Variants in ZNF883 observed in about 807,000 individuals in gnomAD.
ZNF883 encodes zinc finger protein 883.
intron 2 of ZNF883, among the ~76,000 whole-genome samples, chr9:113,009,368 C>G (rs1339302757): frequency 6.6e-6 from 1 of 152,164 alleles, no homozygotes; most frequent in Non-Finnish European, 1.5e-5. Flanking sequence ...TCACTCACCC[C>G]TCTCTGGCCA....
downstream of ZNF883, among the ~76,000 whole-genome samples, chr9:112,995,456 C>T (rs1828341695): frequency 6.6e-6 from 1 of 151,646 alleles, no homozygotes; most frequent in African/African-American, 2.4e-5. Context: ...CTCTTCCTTC[C>T]TTCTTTCCCT....
intron 2 of ZNF883, among the ~76,000 whole-genome samples, chr9:113,007,520 C>G (rs1298009067): frequency 6.6e-6 from 1 of 152,198 alleles, no homozygotes. Context: ...ATAATGATCC[C>G]TGTAATCAGC....
At chr9:112,989,175 T>C (rs1020970127) in intron 1 of ZNF883, among the ~76,000 whole-genome samples, 5 of 152,246 alleles carry the variant, frequency 3.3e-5, no homozygotes, top group Non-Finnish European at 2.9e-5. Context: ...GCAATAGCTT[T>C]TGGCATTTTC....
chr9:112,989,928 G>A (rs1564330316), intron 1 of ZNF883, among the ~76,000 whole-genome samples: 1 of 152,066 alleles, frequency 6.6e-6, no homozygotes, highest in Non-Finnish European at 1.5e-5. Flanking sequence ...CCTATTGTTG[G>A]CATATAGGAA....
At chr9:112,993,219 C>T (rs1406714699), downstream of ZNF883, among the ~76,000 whole-genome samples, 2 of 152,308 alleles carry the variant, frequency 1.3e-5, no homozygotes, top group East Asian at 3.9e-4. Flanking sequence ...GTTTATCTAG[C>T]TTTGATCTTT....
chr9:113,005,601 TA>T (rs1299462987), intron 2 of ZNF883, among the ~76,000 whole-genome samples: 2 of 152,198 alleles, frequency 1.3e-5, no homozygotes, highest in Non-Finnish European at 2.9e-5. Flanking sequence ...AAAGTCACAT[TA>T]CAACCAGACC....
chr9:113,005,615 G>A (rs1026823632), intron 2 of ZNF883, among the ~76,000 whole-genome samples: 3 of 152,054 alleles, frequency 2.0e-5, no homozygotes, highest in Non-Finnish European at 4.4e-5. Context: ...ACCAGACCAG[G>A]TTCATGACAA....
chr9:113,004,140 G>A (rs769704963), intron 2 of ZNF883, among the ~76,000 whole-genome samples: 2 of 152,220 alleles, frequency 1.3e-5, no homozygotes, highest in African/African-American at 2.4e-5. Context: ...AGAGAACAGA[G>A]TTACGCAGCT....
At chr9:113,003,022 C>A (rs995325185), upstream of ZNF883, among the ~76,000 whole-genome samples, 4 of 152,154 alleles carry the variant, frequency 2.6e-5, no homozygotes, top group Non-Finnish European at 4.4e-5. Flanking sequence ...AAATAAATTT[C>A]TGTTCTTTAT....
chr9:113,009,055 C>T (rs932821297), intron 2 of ZNF883, among the ~76,000 whole-genome samples: 3 of 152,132 alleles, frequency 2.0e-5, no homozygotes, highest in Admixed American at 2.0e-4. Context: ...ATTGCTTTAG[C>T]TTCCTAGCCA....
intron 1 of ZNF883, 23 bp downstream of exon 1, chr9:113,012,127 G>A (rs946673182): frequency 6.6e-6 from 1 of 152,266 alleles, no homozygotes; most frequent in African/African-American, 2.4e-5. Flanking sequence ...ACGAGTGCAA[G>A]GGTCGGGAAA....
intron 1 of ZNF883, among the ~76,000 whole-genome samples, chr9:112,989,530 A>G (rs1183989490): frequency 6.6e-6 from 1 of 152,164 alleles, no homozygotes; most frequent in South Asian, 2.1e-4. Flanking sequence ...GTAGCCTCAT[A>G]GTATAGTTTG....
intron 1 of ZNF883, among the ~76,000 whole-genome samples, chr9:112,988,964 A>G (rs980989365): frequency 2.6e-5 from 4 of 151,592 alleles, no homozygotes; most frequent in African/African-American, 9.7e-5. Context: ...TCCTTTGCCT[A>G]TTTTTTAATG....
At position 113,003,680 on chromosome 9, in the gene ZNF883, A is replaced by C. The variant is rs935437822; in HGVS notation, n.166-1607T>G. Among the ~76,000 whole-genome samples the C allele has an allele frequency of 6.6e-5, 10 of 152,302 alleles. No individual in the cohort carries two copies. The South Asian group carries it at 2.1e-3, about 32-fold the overall frequency. On this transcript the variant is annotated intron_variant and non_coding_transcript_variant, in intron 2 of 4. Transcript: ENST00000638622. Reference sequence around the variant, plus strand: ...CAGATTCCACTGCCCTCAAACCATAAGCAAGCTAAATACAAAGAAAGCTAC... The same window carrying C: ...CAGATTCCACTGCCCTCAAACCATACGCAAGCTAAATACAAAGAAAGCTAC...
At chr9:112,994,327 T>C (rs1297340749), downstream of ZNF883, among the ~76,000 whole-genome samples, 1 of 151,472 alleles carries the variant, frequency 6.6e-6, no homozygotes, top group Non-Finnish European at 1.5e-5. Flanking sequence ...TCACTCTCCA[T>C]GCTTTTCCTC....
chr9:112,990,510 G>T (rs758738445), intron 1 of ZNF883, among the ~76,000 whole-genome samples: 5 of 152,116 alleles, frequency 3.3e-5, no homozygotes, highest in Non-Finnish European at 4.4e-5. Context: ...CCTGGATTCA[G>T]TTTGCCAGTA....
rs919595753 is a variant in ZNF883, at chr9:112,989,953, G to C, written n.310-6374C>G. ...GCATATAGGAATGCTTGTGATTTTT[G>C]CATATTGATTTTGTATGCTGAGACA... On this transcript the variant is annotated intron_variant and non_coding_transcript_variant, in intron 1 of 9. Transcript: ENST00000638823. Among the ~76,000 whole-genome samples the C allele has an allele frequency of 2.0e-5, 3 of 152,090 alleles. No individual in the cohort carries two copies. The South Asian group carries it at 6.2e-4, about 31-fold the overall frequency.
upstream of ZNF883, among the ~76,000 whole-genome samples, chr9:113,002,469 T>C (rs1828435309): frequency 6.6e-6 from 1 of 152,146 alleles, no homozygotes; most frequent in South Asian, 2.1e-4. Flanking sequence ...TTAATAATAA[T>C]GTACCAACCT....
At chr9:113,006,046 C>T (rs1191254849) in intron 2 of ZNF883, among the ~76,000 whole-genome samples, 2 of 149,090 alleles carry the variant, frequency 1.3e-5, no homozygotes, top group African/African-American at 2.5e-5. Context: ...CAATAAGAGG[C>T]ATACAGTAAA....
Sources: gnomAD v4.1 joint callset for allele counts (sites outside exome capture counted in the v4.1 genomes callset) on GRCh38, gnomAD v4.1.1 for gene constraint, MANE v1.5 for transcripts, NCBI Gene and HGNC (gene_info 2026-07-23, HGNC 2026-07-21) for gene names.